The following METTL5 variants were observed in gnomAD, a reference collection of about 807,000 sequenced individuals.
The protein encoded by METTL5 is rRNA N(6)-adenosine-methyltransferase METTL5.
A neutral mutation model predicts 26.5 loss-of-function variants in METTL5; 28 were observed. The ratio of observed to expected loss-of-function variants is 1.06; its 90% CI spans 0.78 to 1.45. The LOEUF is 1.45. Ranked by LOEUF, METTL5 falls within the 40% of genes most tolerant of loss-of-function variation. METTL5 has a pLI of 0.00. For synonymous variants in METTL5, 86 were observed against 82.6 expected, an observed-to-expected ratio of 1.04 and a Z score of -0.22; for missense variants, 231 against 249.9, an observed-to-expected ratio of 0.92 and a Z score of 0.51.
chr2:169,815,670 G>T, intron 4 of METTL5, 142 bp from the exon 5 acceptor site: 1 of 563,170 alleles, frequency 1.8e-6, no homozygotes, highest in Non-Finnish European at 3.1e-6. Flanking sequence ...CAATTGAATG[G>T]ATAGTATTCT....
intron 4 of METTL5, among the ~76,000 whole-genome samples, chr2:169,816,008 A>G (rs2081501127): frequency 6.6e-6 from 1 of 152,190 alleles, no homozygotes; most frequent in South Asian, 2.1e-4. Context: ...ACAACAGACT[A>G]TAACCACAGA....
intron 4 of METTL5, among the ~76,000 whole-genome samples, chr2:169,818,992 C>T (rs2081546722): frequency 6.6e-6 from 1 of 152,092 alleles, no homozygotes; most frequent in Non-Finnish European, 1.5e-5. Flanking sequence ...GGATCTGAAC[C>T]CAGAGAATCT....
intron 5 of METTL5, among the ~76,000 whole-genome samples, chr2:169,815,177 GC>G (rs1182582268): frequency 6.6e-6 from 1 of 152,210 alleles, no homozygotes; most frequent in Non-Finnish European, 1.5e-5. Flanking sequence ...ACAGGCGTGA[GC>G]CACCACACCT....
intron 5 of METTL5, among the ~76,000 whole-genome samples, chr2:169,814,869 C>G (rs2105712927): frequency 1.3e-5 from 2 of 151,740 alleles, no homozygotes; most frequent in East Asian, 3.9e-4. Context: ...GCTACCGCGC[C>G]CGGCCCACTT....
chr2:169,823,383 T>C (rs760755494), intron 1 of METTL5, among the ~76,000 whole-genome samples: 2 of 152,236 alleles, frequency 1.3e-5, no homozygotes, highest in Non-Finnish European at 2.9e-5. Flanking sequence ...ACAGTAGTTT[T>C]GTGTGAATTT....
intron 5 of METTL5, among the ~76,000 whole-genome samples, chr2:169,814,331 TAAA>T (rs1027254311): frequency 1.3e-5 from 2 of 151,246 alleles, no homozygotes; most frequent in Admixed American, 1.3e-4. Context: ...TACTAAAGAT[TAAA>T]AAATTAGCCG....
intron 1 of METTL5, chr2:169,824,268 T>G: frequency 2.0e-6 from 1 of 493,016 alleles, no homozygotes; most frequent in Non-Finnish European, 3.7e-6. Flanking sequence ...CTGGCAGTGT[T>G]AAGGGATATG....
At chr2:169,818,448 C>G (rs1398607115) in intron 4 of METTL5, among the ~76,000 whole-genome samples, 7 of 152,162 alleles carry the variant, frequency 4.6e-5, no homozygotes, top group African/African-American at 1.7e-4. Flanking sequence ...ATCATCAAAC[C>G]TGAGGGTGTT....
At chr2:169,822,683 G>A (rs996272287) in intron 1 of METTL5, among the ~76,000 whole-genome samples, 9 of 150,420 alleles carry the variant, frequency 6.0e-5, no homozygotes, top group African/African-American at 1.5e-4. Flanking sequence ...CTCCCGCCCC[G>A]GCTTTCCAAA....
At chr2:169,822,931 G>C (rs193067602) in intron 1 of METTL5, among the ~76,000 whole-genome samples, 33 of 152,292 alleles carry the variant, frequency 2.2e-4, no homozygotes, top group Admixed American at 1.9e-3. Flanking sequence ...TTTCCCTGAA[G>C]ATATCTGAAC....
Position 169,821,963 on chromosome 2 carries a change from TC to T in METTL5, c.203del (p.Gly68GlufsTer5), listed in dbSNP as rs2081590733. The T allele has an allele frequency of 6.2e-7, 1 of 1,613,664 alleles. No individual in the cohort carries two copies. Among genetic ancestry groups the T allele is most frequent in the Non-Finnish European group, 8.5e-7 (1 of 1,179,980 alleles). On this transcript the variant is annotated frameshift_variant, in exon 2 of 7. Coordinates refer to ENST00000260953, the MANE Select transcript of METTL5 (RefSeq NM_014168.4). LOFTEE classifies it high-confidence loss of function. ...CGTACCCTGCTCCTAACATTGCAGTTCCGATGCTAAGTACTCCACAACCACA... is the reference window on the plus strand; with the variant it reads ...CGTACCCTGCTCCTAACATTGCAGTTCGATGCTAAGTACTCCACAACCACA... Reference protein sequence around the residue: ...LGCGCGVLSIGTAMLGAGLCV... With the variant: ...LGCGCGVLSIXTAMLGAGLCV...
At chr2:169,812,846 A>G (rs1202885356) in intron 5 of METTL5, 1 of 172,684 alleles carries the variant, frequency 5.8e-6, no homozygotes, top group African/African-American at 2.4e-5. Context: ...TCTCATAACC[A>G]TATTTATTTC....
At position 169,824,664 on chromosome 2, in the gene METTL5, G is replaced by A. The variant is rs2081629406; in HGVS notation, c.-67C>T. The A allele has an allele frequency of 7.8e-7, 1 of 1,281,494 alleles. No individual in the cohort carries two copies. Among genetic ancestry groups the A allele is most frequent in the Non-Finnish European group, 1.1e-6 (1 of 878,366 alleles). The allele number at this position is 1,281,494 out of a possible 1,614,324, so 79.4% of individuals were successfully genotyped here. On this transcript the variant is annotated 5_prime_UTR_variant, in exon 1 of 7. Coordinates refer to ENST00000260953, the MANE Select transcript of METTL5 (RefSeq NM_014168.4). ...ATCTGCGGAGAAATCTATTGAACTG[G>A]GATCTTGTTTCCTCCCTACCCCCAA... is the stretch of plus-strand genomic sequence containing the variant.
intron 1 of METTL5, chr2:169,824,091 T>G (rs758917241): frequency 4.0e-5 from 7 of 174,698 alleles, no homozygotes; most frequent in Non-Finnish European, 6.2e-5. Flanking sequence ...CGTAGGCAAT[T>G]AGTAGCAATG....
intron 2 of METTL5, 65 bp from the exon 3 acceptor site, chr2:169,821,338 A>C: frequency 1.7e-6 from 2 of 1,191,486 alleles, no homozygotes; most frequent in Non-Finnish European, 2.3e-6. Context: ...CAAAACCAAA[A>C]TTAGCTGTTT....
At chr2:169,820,262 T>C (rs1311478224) in intron 3 of METTL5, among the ~76,000 whole-genome samples, 1 of 152,192 alleles carries the variant, frequency 6.6e-6, no homozygotes, top group African/African-American at 2.4e-5. Context: ...GGCCAAACTA[T>C]GCATGTCTTT....
intron 1 of METTL5, among the ~76,000 whole-genome samples, chr2:169,822,360 C>T (rs1326787478): frequency 6.6e-6 from 1 of 152,182 alleles, no homozygotes; most frequent in Non-Finnish European, 1.5e-5. Context: ...TTAGTTTTTC[C>T]TCAGCTTGTT....
At chr2:169,824,453 G>T in intron 1 of METTL5, 36 bp downstream of exon 1, 1 of 1,460,186 alleles carries the variant, frequency 6.8e-7, no homozygotes, top group Non-Finnish European at 9.6e-7. Flanking sequence ...CTGGACTAAC[G>T]CCGAAAGCCG....
At chr2:169,822,250 T>C (rs932374951) in intron 1 of METTL5, among the ~76,000 whole-genome samples, 193 bp from the exon 2 acceptor site, 3 of 152,156 alleles carry the variant, frequency 2.0e-5, no homozygotes, top group Non-Finnish European at 4.4e-5. Context: ...AGGAAGCTAA[T>C]ACCCACCAGT....
Sources: allele counts gnomAD v4.1 joint callset (sites outside exome capture counted in the v4.1 genomes callset), GRCh38; gene constraint gnomAD v4.1.1; transcripts MANE v1.5; gene names NCBI Gene and HGNC (gene_info 2026-07-23, HGNC 2026-07-21).